NECAB1: variants seen among roughly 807,000 people sequenced by gnomAD.
The protein encoded by NECAB1 is N-terminal EF-hand calcium binding protein 1.
NECAB1 carries 29 observed loss-of-function variants against 57.5 expected under a neutral mutation model. The observed-to-expected ratio is 0.50, with a 90% CI of 0.38 to 0.69. The LOEUF (loss-of-function observed/expected upper bound fraction) is 0.69, where lower values mean the gene tolerates loss of function less well. Among genes scored for constraint, NECAB1 ranks in the 30% least tolerant of loss-of-function variants. NECAB1 has a pLI of 0.00. For synonymous variants in NECAB1, 142 were observed against 147.7 expected, an observed-to-expected ratio of 0.96 and a Z score of 0.28; for missense variants, 372 against 413.8, an observed-to-expected ratio of 0.90 and a Z score of 0.88.
chr8:90,896,636 A>AAC (rs752291497), intron 5 of NECAB1, among the ~76,000 whole-genome samples: 29 of 148,920 alleles, frequency 1.9e-4, no homozygotes, highest in Admixed American at 5.4e-4. Flanking sequence ...CAAAAACAAA[A>AAC]AAAACAAACA....
chr8:90,915,467 G>A (rs1165423907), intron 5 of NECAB1, among the ~76,000 whole-genome samples: 1 of 152,036 alleles, frequency 6.6e-6, no homozygotes, highest in African/African-American at 2.4e-5. Context: ...ATTATTATAA[G>A]CATGTAATGG....
rs200101602 is a variant in NECAB1 at position 90,835,561 on chromosome 8, T to A, written c.233+10736T>A. On this transcript the variant is annotated intron_variant, in intron 3 of 12. Transcript: ENST00000417640. ...CTCGCCACAAAATAATAATAATAAT[T>A]ATTATTATTAAGATGTATTCACTAA... is the stretch of plus-strand genomic sequence containing the variant. Among the ~76,000 whole-genome samples, 164 of 152,072 alleles carry A rather than the reference T, an allele frequency of 1.1e-3. 1 individual carries two copies. The highest frequency in any genetic ancestry group is 0.01 in the Middle Eastern group (3 of 294).
At chr8:90,797,046 A>C (rs1254676188) in intron 1 of NECAB1, among the ~76,000 whole-genome samples, 6 of 152,206 alleles carry the variant, frequency 3.9e-5, no homozygotes, top group African/African-American at 7.2e-5. Flanking sequence ...AAAAGTAAGA[A>C]ATAGGATGCG....
intron 11 of NECAB1, among the ~76,000 whole-genome samples, chr8:90,950,619 A>G (rs1465990832): frequency 2.6e-5 from 4 of 152,150 alleles, no homozygotes; most frequent in African/African-American, 9.7e-5. Context: ...TGTTTCACCT[A>G]AAAGTTTTAT....
intron 3 of NECAB1, among the ~76,000 whole-genome samples, chr8:90,830,371 G>A (rs912373932): frequency 6.6e-6 from 1 of 152,056 alleles, no homozygotes; most frequent in Non-Finnish European, 1.5e-5. Flanking sequence ...AGCAAGTGTG[G>A]TATGACTGAG....
At chr8:90,869,090 G>C (rs2129836909) in intron 3 of NECAB1, among the ~76,000 whole-genome samples, 1 of 152,360 alleles carries the variant, frequency 6.6e-6, no homozygotes, top group Non-Finnish European at 1.5e-5. Flanking sequence ...TTCAGAGGGT[G>C]CAAGCCCTAA....
intron 6 of NECAB1, among the ~76,000 whole-genome samples, chr8:90,918,176 A>G (rs1810023532): frequency 6.6e-6 from 1 of 150,750 alleles, no homozygotes; most frequent in Non-Finnish European, 1.5e-5. Flanking sequence ...CGTCCAGCTA[A>G]TTTATTGTAT....
At chr8:90,954,963 T>C (rs1358297452) in intron 12 of NECAB1, among the ~76,000 whole-genome samples, 6 of 145,352 alleles carry the variant, frequency 4.1e-5, no homozygotes, top group African/African-American at 1.2e-4. Flanking sequence ...ACATATTATA[T>C]GTATATATTA....
At chr8:90,819,461 GGCTGTGT>G (rs1314658489) in intron 2 of NECAB1, among the ~76,000 whole-genome samples, 1 of 151,872 alleles carries the variant, frequency 6.6e-6, no homozygotes, top group Non-Finnish European at 1.5e-5. Context: ...CACTAGGATG[GGCTGTGT>G]TTAATGTTTG....
chr8:90,803,286 A>G (rs1043160018), intron 2 of NECAB1, among the ~76,000 whole-genome samples: 3 of 152,128 alleles, frequency 2.0e-5, no homozygotes, highest in African/African-American at 4.8e-5. Context: ...ATCCAGCCCC[A>G]GGGATGCCTG....
rs781538704 is a variant in NECAB1 at position 90,907,141 on chromosome 8, TGTGTGTGTGTGAGAGAGAGA to T, written c.358-10349_358-10330del. On this transcript the variant is annotated intron_variant, in intron 5 of 12. Coordinates refer to ENST00000417640, the MANE Select transcript of NECAB1 (RefSeq NM_022351.5). ...CCAATTTTGTGTGTGTGTGTGTGTG[TGTGTGTGTGTGAGAGAGAGA>T]GAGAGAGAGAGAGAGAGAGAGAGAG... Among the ~76,000 whole-genome samples the T allele has an allele frequency of 9.6e-3, 1,221 of 127,030 alleles. 21 individuals are homozygous for T. The highest frequency in any genetic ancestry group is 0.036 in the African/African-American group (1,145 of 32,040). The allele number at this position is 127,030 out of a possible 152,430, so 83.3% of individuals were successfully genotyped here.
chr8:90,864,439 A>G (rs965855230), intron 3 of NECAB1, among the ~76,000 whole-genome samples: 1 of 152,108 alleles, frequency 6.6e-6, no homozygotes. Context: ...AAGACTGGAA[A>G]TGTATGTCCC....
chr8:90,805,158 C>A (rs1367322842), intron 2 of NECAB1, among the ~76,000 whole-genome samples: 1 of 152,190 alleles, frequency 6.6e-6, no homozygotes, highest in Non-Finnish European at 1.5e-5. Flanking sequence ...AGTGGATAAT[C>A]TAATGTAAAT....
chr8:90,869,096 C>G (rs1808570931), intron 3 of NECAB1, among the ~76,000 whole-genome samples: 1 of 152,238 alleles, frequency 6.6e-6, no homozygotes, highest in Admixed American at 6.5e-5. Flanking sequence ...GGGTGCAAGC[C>G]CTAAGCCTTT....
intron 10 of NECAB1, 142 bp from the exon 11 acceptor site, chr8:90,949,663 ATC>A: frequency 2.1e-6 from 1 of 468,560 alleles, no homozygotes. Flanking sequence ...TTCTTGACAA[ATC>A]TGTTTGATTT....
At chr8:90,941,446 G>A (rs1321890407) in intron 10 of NECAB1, among the ~76,000 whole-genome samples, 4 of 152,128 alleles carry the variant, frequency 2.6e-5, no homozygotes, top group Non-Finnish European at 5.9e-5. Context: ...CCCAGCTCAG[G>A]CTTCGGATAT....
At chr8:90,917,985 T>TACACACATAC (rs1450265904) in intron 6 of NECAB1, among the ~76,000 whole-genome samples, 3 of 136,852 alleles carry the variant, frequency 2.2e-5, no homozygotes, top group Non-Finnish European at 4.6e-5. Context: ...TGTATATATA[T>TACACACATAC]ACATATATGT....
At chr8:90,906,853 C>G (rs1237730807) in intron 5 of NECAB1, among the ~76,000 whole-genome samples, 7 of 74,204 alleles carry the variant, frequency 9.4e-5, no homozygotes, top group Non-Finnish European at 2.2e-5. Flanking sequence ...AATAATCCAC[C>G]TTTTCCTTAC....
chr8:90,896,616 AAAAC>A (rs1809345546), intron 5 of NECAB1, among the ~76,000 whole-genome samples: 1 of 151,102 alleles, frequency 6.6e-6, no homozygotes, highest in Non-Finnish European at 1.5e-5. Context: ...AAAAAAAACA[AAAAC>A]AAAAACAAAA....
Sources: allele counts gnomAD v4.1 joint callset (sites outside exome capture counted in the v4.1 genomes callset), GRCh38; gene constraint gnomAD v4.1.1; transcripts MANE v1.5; gene names NCBI Gene and HGNC (gene_info 2026-07-23, HGNC 2026-07-21).